Variants in KIAA0513 observed in about 807,000 individuals in gnomAD.
KIAA0513 encodes the protein uncharacterized protein KIAA0513.
KIAA0513 carries 39 observed loss-of-function variants against 56.5 expected under a neutral mutation model. The ratio of observed to expected loss-of-function variants is 0.69; its 90% confidence interval spans 0.53 to 0.90. The LOEUF is 0.90. Ranked by LOEUF, KIAA0513 falls within the 40% of genes least tolerant of loss-of-function variation. KIAA0513 has a pLI of 0.00. For synonymous variants in KIAA0513, 268 were observed against 215.6 expected (o/e 1.24, Z -2.13); for missense variants, 591 against 535.2 (o/e 1.10, Z -1.03).
intron 1 of KIAA0513, among the ~76,000 whole-genome samples, chr16:85,038,446 C>T (rs2143854843): frequency 6.6e-6 from 1 of 152,120 alleles, no homozygotes; most frequent in South Asian, 2.1e-4. Flanking sequence ...GTGGCTCATG[C>T]CTGTAATCCC....
At chr16:85,086,189 GT>G (rs1386370231) in intron 10 of KIAA0513, among the ~76,000 whole-genome samples, 1 of 152,208 alleles carries the variant, frequency 6.6e-6, no homozygotes, top group African/African-American at 2.4e-5. Flanking sequence ...AGACACAGGT[GT>G]GAGTCTAAAA....
intron 1 of KIAA0513, among the ~76,000 whole-genome samples, chr16:85,052,367 C>T (rs949697594): frequency 1.3e-5 from 2 of 151,930 alleles, no homozygotes; most frequent in African/African-American, 2.4e-5. Flanking sequence ...AAAAAGCTAG[C>T]CAGGCCTGGT....
At position 85,093,238 on chromosome 16, in the gene KIAA0513, C is replaced by T. The variant is rs1022350652; in HGVS notation, c.*4913C>T. On this transcript the variant is annotated 3_prime_UTR_variant, in exon 13 of 13. Coordinates refer to ENST00000683363, the MANE Select transcript of KIAA0513 (RefSeq NM_001388359.1). ...ACGTGGCCACGGGATTTCAGTGGGACAGCGCTCCCACAGGGGCTGGGGGTG... is the reference window on the plus strand; with the variant it reads ...ACGTGGCCACGGGATTTCAGTGGGATAGCGCTCCCACAGGGGCTGGGGGTG... 11 of 147,632 alleles carry T rather than the reference C, an allele frequency of 7.5e-5. No individual in the cohort carries two copies. The highest frequency in any genetic ancestry group is 2.8e-4 in the African/African-American group (11 of 39,418). 9.1% of individuals were successfully genotyped at this position (147,632 alleles called of 1,614,324 possible). A position where few individuals can be genotyped will look rare whatever the true frequency, so the allele number is the denominator to read the frequency against.
In KIAA0513 at chr16:85,092,025, C is replaced by T. The variant is rs1218173580; in HGVS notation, c.*3700C>T. Reference sequence around the variant, plus strand: ...TGACACAATCTCTACTCACTGCAACCTCCACCTCCCGGGTTCAAGCAATTC... The same window carrying T: ...TGACACAATCTCTACTCACTGCAACTTCCACCTCCCGGGTTCAAGCAATTC... On this transcript the variant is annotated 3_prime_UTR_variant, in exon 13 of 13. Transcript: ENST00000683363. 5 of 151,556 alleles carry T rather than the reference C, an allele frequency of 3.3e-5. No homozygotes were observed. In the East Asian group the frequency reaches 9.7e-4, roughly 29 times the overall value. The allele number at this position is 151,556 out of a possible 1,614,324, so 9.4% of individuals were successfully genotyped here. A position where few individuals can be genotyped will look rare whatever the true frequency, so the allele number is the denominator to read the frequency against.
chr16:85,066,379 A>G (rs2073481548), intron 1 of KIAA0513, among the ~76,000 whole-genome samples: 1 of 152,220 alleles, frequency 6.6e-6, no homozygotes, highest in Non-Finnish European at 1.5e-5. Context: ...CTTAGCAACC[A>G]TCATAGGGTT....
At chr16:85,064,799 C>A (rs148168254) in intron 1 of KIAA0513, among the ~76,000 whole-genome samples, 11,207 of 152,166 alleles carry the variant, frequency 0.074, 582 homozygotes, top group East Asian at 0.16. Flanking sequence ...AATTCTCCTG[C>A]CTCAGCCTCC....
At chr16:85,069,689 T>G (rs1341544452) in intron 2 of KIAA0513, among the ~76,000 whole-genome samples, 1 of 151,722 alleles carries the variant, frequency 6.6e-6, no homozygotes, top group Non-Finnish European at 1.5e-5. Context: ...CTTGCTGCTG[T>G]GTCGTGTGTG....
intron 4 of KIAA0513, among the ~76,000 whole-genome samples, chr16:85,073,673 G>A (rs2073612605): frequency 6.6e-6 from 1 of 152,248 alleles, no homozygotes; most frequent in Admixed American, 6.5e-5. Context: ...TGGCCTTGGG[G>A]AGGCTGGGCA....
chr16:85,034,632 G>T (rs867188470), intron 1 of KIAA0513, among the ~76,000 whole-genome samples: 2 of 152,182 alleles, frequency 1.3e-5, no homozygotes, highest in African/African-American at 4.8e-5. Context: ...TTTATCTTAT[G>T]TGGCTGAGGT....
intron 1 of KIAA0513, 35 bp from the exon 2 acceptor site, chr16:85,066,865 T>G: frequency 2.1e-6 from 1 of 477,286 alleles, no homozygotes; most frequent in Non-Finnish European, 3.7e-6. Flanking sequence ...TGGTGAGGAG[T>G]GGCGCTAATG....
In KIAA0513 at chr16:85,035,051, C is replaced by G. The variant is rs1244629539; in HGVS notation, c.-173+7193C>G. ...CTCTGCCCCCCTTCCCCAGGCCGAG[C>G]CGTCAGGTACCCTGCTTCCTCTCAG... is the stretch of plus-strand genomic sequence containing the variant. On this transcript the variant is annotated intron_variant, in intron 1 of 12. Transcript: ENST00000683363. Among the ~76,000 whole-genome samples the G allele has an allele frequency of 3.9e-5, 6 of 152,292 alleles. No individual in the cohort carries two copies. The East Asian group carries it at 1.2e-3, about 29-fold the overall frequency.
At chr16:85,057,325 G>T (rs907486067) in intron 1 of KIAA0513, among the ~76,000 whole-genome samples, 1 of 152,184 alleles carries the variant, frequency 6.6e-6, no homozygotes, top group African/African-American at 2.4e-5. Flanking sequence ...TAAATCAGCA[G>T]CAGGGCATTT....
At chr16:85,054,550 C>T (rs2143941456) in intron 1 of KIAA0513, among the ~76,000 whole-genome samples, 1 of 151,738 alleles carries the variant, frequency 6.6e-6, no homozygotes, top group South Asian at 2.1e-4. Context: ...CTGTCTCAGC[C>T]TCCCAAGTAG....
chr16:85,068,344 T>G (rs2073520637), intron 2 of KIAA0513, among the ~76,000 whole-genome samples: 1 of 149,586 alleles, frequency 6.7e-6, no homozygotes, highest in Non-Finnish European at 1.5e-5. Flanking sequence ...TTTTTTGTTT[T>G]TTTTTTGAGA....
At position 85,077,501 on chromosome 16, in the gene KIAA0513, C is replaced by T; in HGVS notation, c.651C>T (p.Asn217=). The change falls in exon 6 of 13, where the codon AAC becomes AAT. Residue 217 remains asparagine (N), a synonymous_variant. Transcript: ENST00000683363. ...GSIDSYLKSA[N]SWLAEKKDIA... is the part of the protein sequence containing the mutation. ...TCGACTCCTACCTGAAATCCGCAAA[C>T]AGCTGGCTGGCCGAAAAGAAGGACA... is the stretch of plus-strand genomic sequence containing the variant. 1 of 1,614,214 alleles carries T rather than the reference C, an allele frequency of 6.2e-7. No homozygotes were observed. The highest frequency in any genetic ancestry group is 8.5e-7 in the Non-Finnish European group (1 of 1,180,034).
intron 4 of KIAA0513, 36 bp from the exon 5 acceptor site, chr16:85,075,808 G>A: frequency 6.2e-7 from 1 of 1,608,080 alleles, no homozygotes; most frequent in Non-Finnish European, 8.5e-7. Context: ...AGCAGGTGGA[G>A]CGATCTTTAG....
chr16:85,047,516 G>A (rs947398178), intron 1 of KIAA0513, among the ~76,000 whole-genome samples: 2 of 152,206 alleles, frequency 1.3e-5, no homozygotes, highest in Admixed American at 1.3e-4. Flanking sequence ...AAAGCCAGCG[G>A]GTTTTTCACC....
At chr16:85,045,034 C>A (rs1400546671) in intron 1 of KIAA0513, among the ~76,000 whole-genome samples, 1 of 152,020 alleles carries the variant, frequency 6.6e-6, no homozygotes, top group Non-Finnish European at 1.5e-5. Context: ...AGGAGAACGG[C>A]GTGAACCTGG....
At chr16:85,065,446 G>A (rs966493992) in intron 1 of KIAA0513, among the ~76,000 whole-genome samples, 9 of 152,196 alleles carry the variant, frequency 5.9e-5, no homozygotes, top group African/African-American at 1.2e-4. Context: ...TCTTGTGGAC[G>A]GAGGCTTGCT....
Sources: gnomAD v4.1 joint callset for allele counts (sites outside exome capture counted in the v4.1 genomes callset) on GRCh38, gnomAD v4.1.1 for gene constraint, MANE v1.5 for transcripts, NCBI Gene and HGNC (gene_info 2026-07-23, HGNC 2026-07-21) for gene names.